Variants in ABCC12 observed in about 807,000 individuals in gnomAD.
ABCC12 encodes ATP binding cassette subfamily C member 12.
A neutral mutation model predicts 151.1 loss-of-function variants in ABCC12; 142 were observed. That is an observed-to-expected ratio of 0.94 (90% CI 0.82 to 1.08). The LOEUF (loss-of-function observed/expected upper bound fraction) is 1.08. Among genes scored for constraint, ABCC12 ranks in the 50% least tolerant of loss-of-function variants. The probability of loss-of-function intolerance (pLI) is 0.00; values close to 1 mark genes in which losing one functional copy is unlikely to be tolerated. For missense variants in ABCC12, 1,638 were observed against 1,691.1 expected, an observed-to-expected ratio of 0.97 and a Z score of 0.55; for synonymous variants, 645 against 646.4, an observed-to-expected ratio of 1.00 and a Z score of 0.03.
intron 9 of ABCC12, 113 bp downstream of exon 9, chr16:48,133,574 G>T: frequency 7.9e-7 from 1 of 1,268,316 alleles, no homozygotes; most frequent in Non-Finnish European, 1.1e-6. Flanking sequence ...CCTGTGGCCT[G>T]CCATGATTGG....
chr16:48,142,744 G>C (rs1964860469), intron 4 of ABCC12, among the ~76,000 whole-genome samples: 1 of 152,164 alleles, frequency 6.6e-6, no homozygotes, highest in Admixed American at 6.5e-5. Flanking sequence ...TCCTAACATG[G>C]AAAAGTCTTT....
chr16:48,107,481 C>T, intron 19 of ABCC12, 56 bp from the exon 20 acceptor site: 3 of 1,492,924 alleles, frequency 2.0e-6, no homozygotes, highest in Non-Finnish European at 2.8e-6. Flanking sequence ...ATGGCAGGGG[C>T]TGACCTTCCT....
intron 7 of ABCC12, 127 bp downstream of exon 7, chr16:48,139,033 GGAA>G: frequency 9.1e-7 from 1 of 1,103,404 alleles, no homozygotes; most frequent in Non-Finnish European, 1.3e-6. Context: ...CTGTGCCAAA[GGAA>G]GTAAATCTGT....
intron 18 of ABCC12, among the ~76,000 whole-genome samples, chr16:48,109,788 G>A (rs529351732): frequency 2.6e-5 from 4 of 152,354 alleles, no homozygotes; most frequent in South Asian, 2.1e-4. Flanking sequence ...ACATTCCCTC[G>A]CAGCCCGCAG....
chr16:48,139,392 T>C, intron 6 of ABCC12, 56 bp from the exon 7 acceptor site: 6 of 1,525,912 alleles, frequency 3.9e-6, no homozygotes, highest in Non-Finnish European at 4.4e-6. Context: ...AACATGTCTT[T>C]AAATGAAGGC....
intron 2 of ABCC12, among the ~76,000 whole-genome samples, chr16:48,149,295 CA>C (rs1965086512): frequency 9.1e-6 from 1 of 110,286 alleles, no homozygotes; most frequent in African/African-American, 3.3e-5. Context: ...GAATAAAACA[CA>C]AAAGGAATAA....
At position 48,144,590 on chromosome 16, in the gene ABCC12, A is replaced by G. The variant is rs117813923; in HGVS notation, c.120-525T>C. Among the ~76,000 whole-genome samples the G allele has an allele frequency of 7.6e-4, 116 of 152,266 alleles. No individual in the cohort carries two copies. In the East Asian group the frequency reaches 0.021, roughly 28 times the overall value. On this transcript the variant is annotated intron_variant, in intron 3 of 30. Coordinates refer to ENST00000311303, the MANE Select transcript of ABCC12 (RefSeq NM_001393797.1). Reference sequence around the variant, plus strand: ...GGGTGGAAAACTGGACACTTTCTAGAAGGACCTAGTAGGATCCAGGCCCCT... The same window carrying G: ...GGGTGGAAAACTGGACACTTTCTAGGAGGACCTAGTAGGATCCAGGCCCCT...
chr16:48,133,576 C>T, intron 9 of ABCC12, 111 bp downstream of exon 9: 1 of 1,316,280 alleles, frequency 7.6e-7, no homozygotes, highest in East Asian at 2.4e-5. Flanking sequence ...TGTGGCCTGC[C>T]ATGATTGGAT....
chr16:48,130,513 T>C (rs1964385466), intron 10 of ABCC12, among the ~76,000 whole-genome samples: 1 of 152,226 alleles, frequency 6.6e-6, no homozygotes, highest in Non-Finnish European at 1.5e-5. Context: ...GTGGAACACT[T>C]AGGATGTATA....
intron 2 of ABCC12, among the ~76,000 whole-genome samples, chr16:48,147,823 A>G (rs1287833313): frequency 6.6e-6 from 1 of 152,224 alleles, no homozygotes; most frequent in Non-Finnish European, 1.5e-5. Flanking sequence ...TCTTCATCTC[A>G]AAAAGATAAA....
At chr16:48,091,716 C>T (rs961497912) in intron 24 of ABCC12, among the ~76,000 whole-genome samples, 5 of 152,226 alleles carry the variant, frequency 3.3e-5, no homozygotes, top group Non-Finnish European at 4.4e-5. Context: ...GGGCATGTGG[C>T]TTGCTAAGGT....
chr16:48,102,843 G>A (rs1963355276), intron 22 of ABCC12, among the ~76,000 whole-genome samples: 1 of 152,092 alleles, frequency 6.6e-6, no homozygotes, highest in Non-Finnish European at 1.5e-5. Flanking sequence ...ATCATCCTTT[G>A]CCTCTCCCAT....
chr16:48,143,788 C>T (rs1424201761), intron 4 of ABCC12, 122 bp downstream of exon 4: 3 of 1,288,932 alleles, frequency 2.3e-6, no homozygotes, highest in Non-Finnish European at 3.1e-6. Context: ...TGAGGCCTCC[C>T]CAGTCACATG....
At chr16:48,124,383 C>T (rs186974887) in intron 11 of ABCC12, 99 bp from the exon 12 acceptor site, 228 of 1,233,692 alleles carry the variant, frequency 1.8e-4, no homozygotes, top group Non-Finnish European at 2.1e-4. Flanking sequence ...TCAGGCCAGG[C>T]GGAGAACAAG....
At chr16:48,093,696 T>TGAATGA (rs1215526316) in intron 24 of ABCC12, among the ~76,000 whole-genome samples, 1 of 152,214 alleles carries the variant, frequency 6.6e-6, no homozygotes, top group African/African-American at 2.4e-5. Context: ...GGCAAATGAA[T>TGAATGA]GAATGAACCC....
chr16:48,114,635 T>G (rs1963812213), intron 15 of ABCC12, among the ~76,000 whole-genome samples: 1 of 151,986 alleles, frequency 6.6e-6, no homozygotes, highest in African/African-American at 2.4e-5. Context: ...TGCACACACA[T>G]GCACTGCCCC....
chr16:48,123,330 T>C (rs968112582), intron 12 of ABCC12, among the ~76,000 whole-genome samples: 1 of 152,042 alleles, frequency 6.6e-6, no homozygotes, highest in Non-Finnish European at 1.5e-5. Flanking sequence ...AGGCACACAC[T>C]CTCAGAGCGT....
At chr16:48,149,078 A>G (rs1216378889) in intron 2 of ABCC12, among the ~76,000 whole-genome samples, 1 of 152,144 alleles carries the variant, frequency 6.6e-6, no homozygotes, top group Non-Finnish European at 1.5e-5. Context: ...AATAACACAC[A>G]GTAAAATATA....
At position 48,137,624 on chromosome 16, in the gene ABCC12, A is replaced by C. The variant is rs578154531; in HGVS notation, c.979+604T>G. 2.0e-5 allele frequency among the ~76,000 whole-genome samples: 3 copies of C among 152,376 alleles called. No homozygotes were observed. In the East Asian group the frequency reaches 5.8e-4, roughly 29 times the overall value. ...CAAAAGTGTAATTGTCCATCCAGACAGTCAATTGTAACAGTGGTTCAGATC... is the reference window on the plus strand; with the variant it reads ...CAAAAGTGTAATTGTCCATCCAGACCGTCAATTGTAACAGTGGTTCAGATC... On this transcript the variant is annotated intron_variant, in intron 8 of 30. Transcript: ENST00000311303.
Sources: allele counts gnomAD v4.1 joint callset (sites outside exome capture counted in the v4.1 genomes callset), GRCh38; gene constraint gnomAD v4.1.1; transcripts MANE v1.5; gene names NCBI Gene and HGNC (gene_info 2026-07-23, HGNC 2026-07-21).